GAA: variants seen among roughly 807,000 people sequenced by gnomAD.
GAA encodes alpha glucosidase.
In GAA, 88 loss-of-function variants were observed where a neutral mutation model predicts 103.9. That is an observed-to-expected ratio of 0.85 (90% CI 0.71 to 1.01). GAA has a LOEUF of 1.01. Among genes scored for constraint, GAA ranks in the 50% least tolerant of loss-of-function variants. The pLI, the probability that GAA is intolerant of heterozygous loss-of-function variation, is 0.00. For synonymous variants in GAA, 572 were observed against 563.1 expected, an observed-to-expected ratio of 1.02 and a Z score of -0.22; for missense variants, 1,350 against 1,305.3, an observed-to-expected ratio of 1.03 and a Z score of -0.53.
intron 5 of GAA, 73 bp from the exon 6 acceptor site, chr17:80,108,217 G>T (rs959357014): frequency 1.9e-6 from 3 of 1,610,812 alleles, no homozygotes; most frequent in Non-Finnish European, 1.7e-6. Flanking sequence ...GCCTGTGATT[G>T]GCCCATCTGT....
intron 18 of GAA, 86 bp downstream of exon 18, chr17:80,118,443 C>G: frequency 2.7e-6 from 4 of 1,502,290 alleles, no homozygotes; most frequent in East Asian, 2.3e-5. Flanking sequence ...GGGGGTCCCA[C>G]GATGGCTACC....
In GAA at chr17:80,117,085, G is replaced by A. The variant is rs372800172; in HGVS notation, c.2307G>A (p.Leu769=). 5.0e-6 allele frequency: 8 copies of A among 1,612,992 alleles called. No homozygotes were observed. The Admixed American group carries it at 1.2e-4, about 24-fold the overall frequency. The part of the protein sequence containing the change: ...GKAEVTGYFP[L]GTWYDLQTVP... ...CCGAAGTGACTGGCTACTTCCCCTT[G>A]GGCACATGGTACGACCTGCAGACGG... Residue 769 remains leucine, a synonymous_variant, in exon 16 of 20, where the codon TTG becomes TTA. Coordinates refer to ENST00000302262, the MANE Select transcript of GAA (RefSeq NM_000152.5).
At chr17:80,108,872 G>T in intron 8 of GAA, 44 bp downstream of exon 8, 2 of 1,548,916 alleles carry the variant, frequency 1.3e-6, no homozygotes, top group East Asian at 2.4e-5. Flanking sequence ...GGGGCCGCCC[G>T]GTGCCCAGTG....
Position 80,107,611 on chromosome 17 carries a change from C to T in GAA, c.747C>T (p.Ser249=), listed in dbSNP as rs1555599614. Residue 249 remains serine, a synonymous_variant, in exon 4 of 20, where the codon TCC becomes TCT. Coordinates refer to ENST00000302262, the MANE Select transcript of GAA (RefSeq NM_000152.5). ...LFFADQFLQL[S]TSLPSQYITG... ...TTGCGGACCAGTTCCTTCAGCTGTC[C>T]ACCTCGCTGCCCTCGCAGTATATCA... 1.9e-6 allele frequency: 3 copies of T among 1,613,242 alleles called. No individual in the cohort carries two copies. The highest frequency in any genetic ancestry group is 2.5e-6 in the Non-Finnish European group (3 of 1,179,900).
At chr17:80,107,986 A>G (rs2039135878) in intron 5 of GAA, 90 bp downstream of exon 5, 1 of 1,271,622 alleles carries the variant, frequency 7.9e-7, no homozygotes, top group African/African-American at 1.5e-5. Context: ...GGCCCTGGGC[A>G]CGGTGCTGGG....
chr17:80,118,432 T>C, intron 18 of GAA, 75 bp downstream of exon 18: 1 of 1,533,424 alleles, frequency 6.5e-7, no homozygotes, highest in Non-Finnish European at 8.9e-7. Context: ...GACCTGGGCT[T>C]GGGGGTCCCA....
chr17:80,113,403 C>A, intron 15 of GAA, 37 bp downstream of exon 15: 5 of 1,504,088 alleles, frequency 3.3e-6, no homozygotes, highest in Non-Finnish European at 4.5e-6. Context: ...CCCATGTGTG[C>A]CCTGGGGGAG....
In GAA at chr17:80,118,708, TGCAGAA is replaced by T; in HGVS notation, c.2704_2709del (p.Gln902_Lys903del). On this transcript the variant is annotated inframe_deletion, in exon 19 of 20. Transcript: ENST00000302262. ...ACCAGTGAGGGAGCTGGCCTGCAGC[TGCAGAA>T]GGTGACTGTCCTGGGCGTGGCCACG... The T allele has an allele frequency of 6.2e-7, 1 of 1,613,340 alleles. No individual in the cohort carries two copies. Among genetic ancestry groups the T allele is most frequent in the Non-Finnish European group, 8.5e-7 (1 of 1,180,000 alleles).
chr17:80,118,258 G>A lies in GAA; in HGVS notation c.2547G>A (p.Lys849=), dbSNP rs1206561075. The part of the protein sequence containing the change: ...QPMALAVALT[K]GGEARGELFW... Reference sequence around the variant, plus strand: ...TGGCCCTGGCTGTGGCCCTGACCAAGGGTGGGGAGGCCCGAGGGGAGCTGT... The same window carrying A: ...TGGCCCTGGCTGTGGCCCTGACCAAAGGTGGGGAGGCCCGAGGGGAGCTGT... The change falls in exon 18 of 20, where the codon AAG becomes AAA. Residue 849 remains lysine (K), a synonymous_variant. Coordinates refer to ENST00000302262, the MANE Select transcript of GAA (RefSeq NM_000152.5). 1.9e-6 allele frequency: 3 copies of A among 1,611,560 alleles called. No individual in the cohort carries two copies. The African/African-American group carries it at 4.0e-5, about 22-fold the overall frequency.
At chr17:80,118,586 TC>T in intron 18 of GAA, 66 bp from the exon 19 acceptor site, 1 of 1,586,530 alleles carries the variant, frequency 6.3e-7, no homozygotes, top group East Asian at 2.2e-5. Context: ...TCATGGGTGT[TC>T]CTGCCCCAGC....
chr17:80,117,692 G>A lies in GAA; in HGVS notation c.2424G>A (p.Pro808=), dbSNP rs763272351. 32 of 1,612,218 alleles carry A rather than the reference G, an allele frequency of 2.0e-5. No homozygotes were observed. The Middle Eastern group carries it at 5.0e-4, about 25-fold the overall frequency. Reference sequence around the variant, plus strand: ...GCGAGGGGCAGTGGGTGACGCTGCCGGCCCCCCTGGACACCATCAACGTCC... The same window carrying A: ...GCGAGGGGCAGTGGGTGACGCTGCCAGCCCCCCTGGACACCATCAACGTCC... The part of the protein sequence containing the change: ...IHSEGQWVTL[P]APLDTINVHL... The change falls in exon 17 of 20, where the codon CCG becomes CCA. Residue 808 remains proline, a synonymous_variant. Coordinates refer to ENST00000302262, the MANE Select transcript of GAA (RefSeq NM_000152.5).
intron 8 of GAA, 151 bp from the exon 9 acceptor site, chr17:80,109,794 C>T (rs554377791): frequency 1.2e-5 from 7 of 602,460 alleles, no homozygotes; most frequent in African/African-American, 5.6e-5. Flanking sequence ...TCCAGGCAGG[C>T]GTGTGCAGGC....
intron 2 of GAA, 26 bp from the exon 3 acceptor site, chr17:80,105,723 C>T (rs1157384010): frequency 1.2e-6 from 2 of 1,610,774 alleles, no homozygotes; most frequent in African/African-American, 1.3e-5. Flanking sequence ...CTGTGGGGAA[C>T]ATCAATAAAC....
In GAA at chr17:80,104,243, G is replaced by A. The variant is rs538839240; in HGVS notation, c.-32-312G>A. 8.5e-5 allele frequency among the ~76,000 whole-genome samples: 13 copies of A among 152,322 alleles called. No homozygotes were observed. Among genetic ancestry groups the A allele is most frequent in the African/African-American group, 2.2e-4 (9 of 41,558 alleles). ...CTCACCACAGCACTCTGGCCCAGGC[G>A]ACAGCTGTTTGGCCTGTTTCAAGTG... On this transcript the variant is annotated intron_variant, in intron 1 of 19. Coordinates refer to ENST00000302262, the MANE Select transcript of GAA (RefSeq NM_000152.5). This position sits in a 1 kb window ranked among gnomAD's most constrained non-coding sequence, Gnocchi z 4.0.
At position 80,104,145 on chromosome 17, in the gene GAA, TC is replaced by T. The variant is rs756511031; in HGVS notation, c.-32-407del. Among the ~76,000 whole-genome samples the T allele has an allele frequency of 2.5e-4, 38 of 151,996 alleles. No homozygotes were observed. The highest frequency in any genetic ancestry group is 4.0e-4 in the Non-Finnish European group (27 of 67,976). ...TGGGTGCGGTGGTGTGTGCCTACAG[TC>T]CCAGCTACTCAGGAGGCTGAAGTGG... On this transcript the variant is annotated intron_variant, in intron 1 of 19. Transcript: ENST00000302262. This position sits in a 1 kb window ranked among gnomAD's most constrained non-coding sequence, Gnocchi z 4.0.
Position 80,104,927 on chromosome 17 carries a change from A to C in GAA, c.341A>C (p.Lys114Thr). 2 of 1,612,402 alleles carry C rather than the reference A, an allele frequency of 1.2e-6. No homozygotes were observed. The highest frequency in any genetic ancestry group is 1.7e-6 in the Non-Finnish European group (2 of 1,179,764). ...EARGCCYIPA[K>T]QGLQGAQMGQ... ...CGCGGCTGTTGCTACATCCCTGCAA[A>C]GCAGGGGCTGCAGGGAGCCCAGATG... The change falls in exon 2 of 20, where the codon AAG becomes ACG. Residue 114 changes from lysine to threonine, a missense_variant. By Grantham distance (78) the Lys-to-Thr change is moderately conservative. Coordinates refer to ENST00000302262, the MANE Select transcript of GAA (RefSeq NM_000152.5). This position sits in a 1 kb window ranked among gnomAD's most constrained non-coding sequence, Gnocchi z 4.0.
At position 80,101,584 on chromosome 17, in the gene GAA, C is replaced by T. The variant is rs1455738643; in HGVS notation, c.-339C>T. On this transcript the variant is annotated 5_prime_UTR_variant, in exon 1 of 20. Transcript: ENST00000302262. The stretch of plus-strand genomic sequence containing the variant: ...CGCCTCTGCGCGCCCCCGGGCACGA[C>T]CCCGGAGTCTCCGCGGGCGGCCAGG... 1 of 150,742 alleles carries T rather than the reference C, an allele frequency of 6.6e-6. No homozygotes were observed. Among genetic ancestry groups the T allele is most frequent in the Non-Finnish European group, 1.5e-5 (1 of 67,530 alleles). The allele number at this position is 150,742 out of a possible 1,614,324, so 9.3% of individuals were successfully genotyped here.
intron 8 of GAA, 43 bp downstream of exon 8, chr17:80,108,871 C>T (rs1047604391): frequency 1.1e-5 from 17 of 1,551,882 alleles, no homozygotes; most frequent in South Asian, 2.4e-5. Context: ...GGGGGCCGCC[C>T]GGTGCCCAGT....
rs1286870582 is a variant in GAA at position 80,117,134 on chromosome 17, G to A, written c.2331+25G>A. 10 of 1,608,954 alleles carry A rather than the reference G, an allele frequency of 6.2e-6. No individual in the cohort carries two copies. The South Asian group carries it at 6.6e-5, about 11-fold the overall frequency. ...GGTGAGTCTGGGGACCCTAAGCCCTGGGGAGACGGGAGACCAGAGCAGCCC... is the reference window on the plus strand; with the variant it reads ...GGTGAGTCTGGGGACCCTAAGCCCTAGGGAGACGGGAGACCAGAGCAGCCC... On this transcript the variant is annotated intron_variant, in intron 16 of 19. Coordinates refer to ENST00000302262, the MANE Select transcript of GAA (RefSeq NM_000152.5).
Sources: gnomAD v4.1 joint callset for allele counts (sites outside exome capture counted in the v4.1 genomes callset) on GRCh38, gnomAD v4.1.1 for gene constraint, Gnocchi (gnomAD v3.1) non-coding constraint, MANE v1.5 for transcripts, NCBI Gene and HGNC (gene_info 2026-07-23, HGNC 2026-07-21) for gene names.